Variants in SLX4IP observed in about 807,000 individuals in gnomAD.
The protein encoded by SLX4IP is protein SLX4IP.
Under a neutral mutation model 32.9 loss-of-function variants are expected in SLX4IP, and 34 were observed. That is an observed-to-expected ratio of 1.03 (90% CI 0.79 to 1.38). The LOEUF (loss-of-function observed/expected upper bound fraction) is 1.38, where lower values mean the gene tolerates loss of function less well. Ranked by LOEUF, SLX4IP falls within the 40% of genes most tolerant of loss-of-function variation. The pLI is 0.00. For synonymous variants in SLX4IP, 172 were observed against 171.7 expected, an observed-to-expected ratio of 1.00 and a Z score of -0.01; for missense variants, 444 against 479.0, an observed-to-expected ratio of 0.93 and a Z score of 0.68.
At chr20:10,489,685 T>C (rs1266483315) in intron 2 of SLX4IP, among the ~76,000 whole-genome samples, 1 of 152,142 alleles carries the variant, frequency 6.6e-6, no homozygotes, top group Non-Finnish European at 1.5e-5. Flanking sequence ...GGGATAGAAT[T>C]TAGAAGGGGA....
intron 6 of SLX4IP, among the ~76,000 whole-genome samples, chr20:10,616,155 C>T (rs1045332625): frequency 6.6e-6 from 1 of 152,118 alleles, no homozygotes; most frequent in Non-Finnish European, 1.5e-5. Flanking sequence ...CCAATGACTT[C>T]TCTTTCTCCC....
chr20:10,590,260 A>T (rs1222321059), intron 4 of SLX4IP, among the ~76,000 whole-genome samples: 1 of 152,106 alleles, frequency 6.6e-6, no homozygotes, highest in Non-Finnish European at 1.5e-5. Flanking sequence ...TATACAATTA[A>T]TGATTTCTAA....
At chr20:10,550,581 C>T (rs147487646) in intron 2 of SLX4IP, among the ~76,000 whole-genome samples, 5 of 152,234 alleles carry the variant, frequency 3.3e-5, no homozygotes, top group African/African-American at 1.2e-4. Context: ...GTGATTTCCC[C>T]TTGCCCGCCC....
chr20:10,538,294 A>C (rs1331535589), intron 2 of SLX4IP, among the ~76,000 whole-genome samples: 1 of 152,024 alleles, frequency 6.6e-6, no homozygotes, highest in East Asian at 1.9e-4. Context: ...GTTTTAGACA[A>C]GGTTTCTCTA....
intron 1 of SLX4IP, among the ~76,000 whole-genome samples, chr20:10,438,523 A>T (rs1225827131): frequency 2.3e-5 from 3 of 130,124 alleles, no homozygotes; most frequent in Non-Finnish European, 4.6e-5. Context: ...TGTCACCTGG[A>T]CTAGAGAGCA....
intron 4 of SLX4IP, among the ~76,000 whole-genome samples, chr20:10,597,926 T>G (rs2066791021): frequency 6.6e-6 from 1 of 152,254 alleles, no homozygotes; most frequent in African/African-American, 2.4e-5. Flanking sequence ...GTCATATTTC[T>G]TTTAATCTCA....
chr20:10,448,363 C>G (rs1210472802), intron 1 of SLX4IP, among the ~76,000 whole-genome samples: 1 of 152,144 alleles, frequency 6.6e-6, no homozygotes, highest in East Asian at 1.9e-4. Context: ...CTTTCCAACT[C>G]CACTGTTTTT....
At chr20:10,613,922 C>T (rs775572625) in intron 6 of SLX4IP, 297 of 1,292,764 alleles carry the variant, frequency 2.3e-4, no homozygotes, top group Non-Finnish European at 3.1e-4. Context: ...GCCGCCAATA[C>T]GCCTCCCAGT....
At chr20:10,565,186 C>T (rs111539884) in intron 4 of SLX4IP, among the ~76,000 whole-genome samples, 3,915 of 152,226 alleles carry the variant, frequency 0.026, 101 homozygotes, top group Admixed American at 0.087. Flanking sequence ...TGTGATAGCT[C>T]CCAGCTTGAA....
At chr20:10,464,947 G>A (rs550547292) in intron 2 of SLX4IP, among the ~76,000 whole-genome samples, 2 of 152,186 alleles carry the variant, frequency 1.3e-5, no homozygotes, top group Admixed American at 6.5e-5. Flanking sequence ...CACTGCCACC[G>A]CACAGCTGGC....
intron 2 of SLX4IP, among the ~76,000 whole-genome samples, chr20:10,474,372 A>G (rs540652965): frequency 6.6e-6 from 1 of 152,258 alleles, no homozygotes; most frequent in Non-Finnish European, 1.5e-5. Context: ...GAGAGATCAC[A>G]TAACACAGCT....
chr20:10,557,079 C>T (rs2066274328), intron 3 of SLX4IP, among the ~76,000 whole-genome samples: 1 of 152,184 alleles, frequency 6.6e-6, no homozygotes, highest in Admixed American at 6.5e-5. Context: ...GGCTTTTACA[C>T]ACCTTTAAAA....
intron 2 of SLX4IP, among the ~76,000 whole-genome samples, chr20:10,550,262 G>A (rs774105924): frequency 6.6e-5 from 10 of 152,034 alleles, no homozygotes; most frequent in African/African-American, 2.2e-4. Flanking sequence ...TCTTTGCCTC[G>A]TTACTTGAAG....
chr20:10,468,084 A>G (rs995729014), intron 2 of SLX4IP, among the ~76,000 whole-genome samples: 8 of 152,192 alleles, frequency 5.3e-5, no homozygotes, highest in African/African-American at 1.7e-4. Context: ...AACTTCAAAC[A>G]AAGAACTGAG....
At chr20:10,464,751 C>T (rs2065366052) in intron 2 of SLX4IP, among the ~76,000 whole-genome samples, 1 of 151,914 alleles carries the variant, frequency 6.6e-6, no homozygotes, top group Admixed American at 6.6e-5. Context: ...ACTTACCCAT[C>T]TGACCTTCCT....
intron 2 of SLX4IP, among the ~76,000 whole-genome samples, chr20:10,521,071 C>T (rs1422758358): frequency 1.3e-5 from 2 of 152,168 alleles, no homozygotes; most frequent in Non-Finnish European, 2.9e-5. Flanking sequence ...ATTATTATGA[C>T]AGTATTTACT....
At chr20:10,525,045 T>C (rs982558811) in intron 2 of SLX4IP, among the ~76,000 whole-genome samples, 3 of 152,132 alleles carry the variant, frequency 2.0e-5, no homozygotes, top group Non-Finnish European at 4.4e-5. Context: ...TCCTGTTTGA[T>C]AGAGAAAAAA....
At chr20:10,581,664 C>T (rs1289239615) in intron 4 of SLX4IP, among the ~76,000 whole-genome samples, 1 of 152,080 alleles carries the variant, frequency 6.6e-6, no homozygotes, top group African/African-American at 2.4e-5. Context: ...GCCTGTAATC[C>T]TAACACTTTG....
chr20:10,602,596 A>G (rs1368698313), intron 6 of SLX4IP, among the ~76,000 whole-genome samples: 1 of 152,206 alleles, frequency 6.6e-6, no homozygotes, highest in Middle Eastern at 3.2e-3. Context: ...AATCTTTAAG[A>G]AACAGGGACA....
Sources: allele counts gnomAD v4.1 joint callset (sites outside exome capture counted in the v4.1 genomes callset), GRCh38; gene constraint gnomAD v4.1.1; transcripts MANE v1.5; gene names NCBI Gene and HGNC (gene_info 2026-07-23, HGNC 2026-07-21).